Variants in DMD observed in about 807,000 individuals in gnomAD.
DMD encodes the protein mutant dystrophin.
DMD carries 63 observed loss-of-function variants against 330.1 expected under a neutral mutation model. The observed-to-expected ratio is 0.19, with a 90% CI of 0.16 to 0.24. The LOEUF (loss-of-function observed/expected upper bound fraction) is 0.24. DMD is among the 10% of genes least tolerant of loss of function. The pLI, the probability that DMD is intolerant of heterozygous loss-of-function variation, is 1.00. For missense variants in DMD, 3,344 were observed against 2,684.1 expected (o/e 1.25, Z -5.43); for synonymous variants, 1,223 against 959.8 (o/e 1.27, Z -5.07).
At chrX:31,176,694 A>G (rs2040540933) in intron 71 of DMD, among the ~76,000 whole-genome samples, 1 of 111,528 alleles carries the variant, frequency 9.0e-6, no homozygotes, top group Non-Finnish European at 1.9e-5. Context: ...TAGGAAACAC[A>G]ATTTCCAAGA....
intron 44 of DMD, among the ~76,000 whole-genome samples, chrX:32,126,367 T>C (rs140136219): frequency 0.011 from 1,250 of 111,999 alleles, 12 homozygotes; most frequent in African/African-American, 0.038. Flanking sequence ...ACCATCGGTA[T>C]CCACTTAATA....
intron 27 of DMD, among the ~76,000 whole-genome samples, chrX:32,448,057 T>C (rs775257469): frequency 9.0e-6 from 1 of 110,865 alleles, no homozygotes; most frequent in Non-Finnish European, 1.9e-5. Context: ...TCCCCAAAGA[T>C]ACTTAAATAA....
intron 13 of DMD, among the ~76,000 whole-genome samples, chrX:32,585,532 C>T (rs2054146143): frequency 9.4e-6 from 1 of 106,773 alleles, no homozygotes; most frequent in Admixed American, 1.0e-4. Flanking sequence ...AAACCCATCT[C>T]TACAGAAAAT....
chrX:32,370,905 C>T (rs1463691446), intron 34 of DMD, among the ~76,000 whole-genome samples: 1 of 110,924 alleles, frequency 9.0e-6, no homozygotes, highest in Non-Finnish European at 1.9e-5. Flanking sequence ...TTTAGGCTCT[C>T]GTCAGACAGC....
chrX:32,259,044 G>C (rs915055714), intron 43 of DMD, among the ~76,000 whole-genome samples: 2 of 110,726 alleles, frequency 1.8e-5, no homozygotes, highest in Non-Finnish European at 3.8e-5. Context: ...ATATAGACAG[G>C]AGTGGCTGGA....
At chrX:32,583,957 G>A (rs947156317) in intron 13 of DMD, among the ~76,000 whole-genome samples, 8 of 111,246 alleles carry the variant, frequency 7.2e-5, no homozygotes, top group African/African-American at 2.6e-4. Flanking sequence ...ATATTGAAGT[G>A]AACTATGTTA....
chrX:31,398,636 C>T (rs760181999), intron 60 of DMD, among the ~76,000 whole-genome samples: 1 of 111,643 alleles, frequency 9.0e-6, no homozygotes, highest in Non-Finnish European at 1.9e-5. Flanking sequence ...ATTGGAGCCA[C>T]ATCATATATA....
At chrX:31,700,142 C>T (rs990276249) in intron 52 of DMD, among the ~76,000 whole-genome samples, 10 of 107,971 alleles carry the variant, frequency 9.3e-5, no homozygotes, top group Non-Finnish European at 1.7e-4. Context: ...GCCGAGATTG[C>T]GCCACTGCAC....
At chrX:31,478,413 T>G in intron 58 of DMD, 39 bp from the exon 59 acceptor site, 2 of 1,207,358 alleles carry the variant, frequency 1.7e-6, no homozygotes, top group Non-Finnish European at 2.2e-6. Flanking sequence ...GCCACATTCT[T>G]TTTTTTTAAA....
intron 25 of DMD, among the ~76,000 whole-genome samples, chrX:32,458,685 A>G (rs1178676851): frequency 9.0e-6 from 1 of 111,352 alleles, no homozygotes; most frequent in Admixed American, 9.6e-5. Flanking sequence ...TGTTCTGATA[A>G]TAGCCACCCT....
chrX:32,621,816 ACTGGACC>A (rs2058018698), intron 11 of DMD, among the ~76,000 whole-genome samples: 1 of 111,056 alleles, frequency 9.0e-6, no homozygotes, highest in African/African-American at 3.3e-5. Flanking sequence ...AAGTGTGGTT[ACTGGACC>A]CTGGACCAAC....
At chrX:31,369,894 T>C (rs2031247313) in intron 60 of DMD, among the ~76,000 whole-genome samples, 1 of 110,397 alleles carries the variant, frequency 9.1e-6, no homozygotes, top group South Asian at 3.8e-4. Flanking sequence ...CTATAAGACA[T>C]ATAAAACAGG....
At position 32,432,704 on chromosome X, in the gene DMD, A is replaced by C. The variant is rs1489932658; in HGVS notation, c.4071+5537T>G. 2.7e-5 allele frequency among the ~76,000 whole-genome samples: 3 copies of C among 112,541 alleles called. No individual in the cohort carries two copies. The Admixed American group carries it at 2.8e-4, about 11-fold the overall frequency. On this transcript the variant is annotated intron_variant, in intron 29 of 78. Transcript: ENST00000357033. ...AATGGCTTTTACTATTATTATAGAC[A>C]GATATTGTCTACAAAACATATTGAC...
At chrX:31,529,441 A>G (rs1367038020) in intron 55 of DMD, among the ~76,000 whole-genome samples, 1 of 111,680 alleles carries the variant, frequency 9.0e-6, no homozygotes, top group Non-Finnish European at 1.9e-5. Context: ...ACACAAGAAT[A>G]ACAGGGATAA....
intron 50 of DMD, among the ~76,000 whole-genome samples, chrX:31,783,155 T>C (rs865921144): frequency 9.0e-6 from 1 of 111,714 alleles, no homozygotes; most frequent in Middle Eastern, 4.2e-3. Context: ...GTGTAGTTCT[T>C]ATTACAGAAA....
chrX:32,293,609 G>T (rs1356067502), intron 42 of DMD, among the ~76,000 whole-genome samples: 2 of 111,950 alleles, frequency 1.8e-5, no homozygotes, highest in Non-Finnish European at 3.8e-5. Flanking sequence ...CTATAAAATA[G>T]AAAATAGCTT....
intron 60 of DMD, among the ~76,000 whole-genome samples, chrX:31,432,383 A>G (rs2064154019): frequency 8.9e-6 from 1 of 112,312 alleles, no homozygotes; most frequent in Non-Finnish European, 1.9e-5. Context: ...GAGAACAAAT[A>G]GATTAGAAAA....
intron 63 of DMD, among the ~76,000 whole-genome samples, chrX:31,248,778 G>A (rs928899446): frequency 2.7e-5 from 3 of 111,738 alleles, no homozygotes; most frequent in African/African-American, 9.8e-5. Flanking sequence ...GAAGCCGGGC[G>A]TACTTCCTTT....
intron 2 of DMD, among the ~76,000 whole-genome samples, chrX:32,851,521 C>T (rs906523935): frequency 1.8e-5 from 2 of 112,231 alleles, no homozygotes; most frequent in Non-Finnish European, 3.8e-5. Context: ...TCATCTTTCC[C>T]GCTACCGCTG....
Sources: allele counts gnomAD v4.1 joint callset (sites outside exome capture counted in the v4.1 genomes callset), GRCh38; gene constraint gnomAD v4.1.1; transcripts MANE v1.5; gene names NCBI Gene and HGNC (gene_info 2026-07-23, HGNC 2026-07-21).